SLC4A10: variants seen among roughly 807,000 people sequenced by gnomAD.
SLC4A10 encodes the protein solute carrier family 4 member 10.
In SLC4A10, 42 loss-of-function variants were observed where a neutral mutation model predicts 137.7. The ratio of observed to expected loss-of-function variants is 0.30; its 90% confidence interval spans 0.24 to 0.39. SLC4A10 has a LOEUF of 0.39. Ranked by LOEUF, SLC4A10 falls within the 10% of genes least tolerant of loss-of-function variation. The pLI is 1.00. For missense variants in SLC4A10, 925 were observed against 1,355.0 expected (o/e 0.68, Z 4.98); for synonymous variants, 474 against 464.1 (o/e 1.02, Z -0.27).
chr2:161,830,868 C>A (rs1286892188), intron 3 of SLC4A10, among the ~76,000 whole-genome samples: 2 of 151,982 alleles, frequency 1.3e-5, no homozygotes, highest in African/African-American at 4.8e-5. Flanking sequence ...ATAAGTAGAT[C>A]AAGAGATGTA....
chr2:161,923,037 C>G (rs1688423901), intron 15 of SLC4A10, among the ~76,000 whole-genome samples: 1 of 152,188 alleles, frequency 6.6e-6, no homozygotes, highest in Non-Finnish European at 1.5e-5. Flanking sequence ...GAAGGGAGTT[C>G]TACCAAATTA....
At chr2:161,956,420 G>T (rs905194820) in intron 19 of SLC4A10, among the ~76,000 whole-genome samples, 1 of 152,002 alleles carries the variant, frequency 6.6e-6, no homozygotes, top group Admixed American at 6.6e-5. Context: ...CATAAAATAG[G>T]CCATCCCTTT....
chr2:161,948,194 A>G (rs1694165996), intron 17 of SLC4A10, among the ~76,000 whole-genome samples: 1 of 152,132 alleles, frequency 6.6e-6, no homozygotes, highest in African/African-American at 2.4e-5. Context: ...AAAGGAAAGT[A>G]AACAGAGAAA....
At chr2:161,874,803 T>G (rs1438721579) in intron 8 of SLC4A10, among the ~76,000 whole-genome samples, 1 of 152,246 alleles carries the variant, frequency 6.6e-6, no homozygotes, top group Non-Finnish European at 1.5e-5. Context: ...GGAGAAGTTC[T>G]CTAAAGTTCA....
At chr2:161,863,145 T>TTTA in intron 6 of SLC4A10, 83 bp downstream of exon 6, 1 of 1,259,388 alleles carries the variant, frequency 7.9e-7, no homozygotes, top group Non-Finnish European at 1.1e-6. Context: ...TAAAACTTGT[T>TTTA]TTATTTGAAA....
chr2:161,816,814 A>AT (rs1225073787), intron 3 of SLC4A10, among the ~76,000 whole-genome samples: 2 of 151,842 alleles, frequency 1.3e-5, no homozygotes, highest in Admixed American at 6.6e-5. Context: ...TGAACTCATC[A>AT]TTTTTTATGG....
chr2:161,822,324 T>C (rs1446711994), intron 3 of SLC4A10, among the ~76,000 whole-genome samples: 1 of 152,194 alleles, frequency 6.6e-6, no homozygotes, highest in Admixed American at 6.5e-5. Context: ...GGGACCCTAA[T>C]ACCAATGTGG....
At chr2:161,915,061 C>T (rs1288795260) in intron 15 of SLC4A10, among the ~76,000 whole-genome samples, 1 of 151,966 alleles carries the variant, frequency 6.6e-6, no homozygotes, top group Admixed American at 6.6e-5. Flanking sequence ...TACCTAAGGC[C>T]CACCCAACAC....
At chr2:161,696,088 G>A (rs923311967) in intron 1 of SLC4A10, among the ~76,000 whole-genome samples, 69 of 133,922 alleles carry the variant, frequency 5.2e-4, no homozygotes, top group African/African-American at 1.7e-3. Context: ...GACAGGCCCC[G>A]TGTGTGATGT....
chr2:161,842,525 CTTTA>C (rs1019869294), intron 4 of SLC4A10, among the ~76,000 whole-genome samples: 3 of 151,482 alleles, frequency 2.0e-5, no homozygotes, highest in African/African-American at 7.3e-5. Context: ...TCATTATTTT[CTTTA>C]TTTGCCTTTT....
chr2:161,796,141 C>A (rs1298831804), intron 2 of SLC4A10, among the ~76,000 whole-genome samples: 1 of 152,094 alleles, frequency 6.6e-6, no homozygotes, highest in Non-Finnish European at 1.5e-5. Flanking sequence ...ATTTTATATC[C>A]TGTCCATCTG....
At chr2:161,778,456 G>T (rs1461526893) in intron 2 of SLC4A10, among the ~76,000 whole-genome samples, 1 of 151,846 alleles carries the variant, frequency 6.6e-6, no homozygotes, top group East Asian at 1.9e-4. Context: ...TTCTCCCTGG[G>T]ATCCAGCACT....
At chr2:161,857,440 T>C (rs971202187) in intron 5 of SLC4A10, among the ~76,000 whole-genome samples, 2 of 152,330 alleles carry the variant, frequency 1.3e-5, no homozygotes, top group South Asian at 4.1e-4. Context: ...AGTGGTTTAA[T>C]GCTAACATCA....
intron 16 of SLC4A10, among the ~76,000 whole-genome samples, chr2:161,943,354 T>C (rs1693102805): frequency 6.6e-6 from 1 of 152,062 alleles, no homozygotes. Context: ...ATCACTTTTC[T>C]TCACAAAATT....
chr2:161,879,254 C>A lies in SLC4A10; in HGVS notation c.1072C>A (p.Leu358Ile), dbSNP rs2061609849. The change falls in exon 9 of 27, where the codon CTT becomes ATT. Residue 358 changes from leucine to isoleucine, a missense_variant. Around this residue, in one of 11 missense-constraint regions of SLC4A10, gnomAD observed 277 missense variants for 306.1 expected, o/e 0.90. Transcript: ENST00000446997. ...AFVRLSPAVL[L>I]QGLAEVPIPT... ...TGTCAGGTTGTCTCCAGCTGTATTG[C>A]TTCAAGGACTGGCTGAAGTCCCAAT... 6.2e-7 allele frequency: 1 copy of A among 1,612,356 alleles called. No homozygotes were observed. Among genetic ancestry groups the A allele is most frequent in the African/African-American group, 1.3e-5 (1 of 74,856 alleles).
At chr2:161,719,417 A>T (rs1371211250) in intron 1 of SLC4A10, among the ~76,000 whole-genome samples, 1 of 152,076 alleles carries the variant, frequency 6.6e-6, no homozygotes, top group Non-Finnish European at 1.5e-5. Flanking sequence ...GGGTATACTC[A>T]GTAATGGGAT....
At chr2:161,664,551 A>G (rs1344303915) in intron 1 of SLC4A10, among the ~76,000 whole-genome samples, 4 of 151,918 alleles carry the variant, frequency 2.6e-5, no homozygotes, top group Non-Finnish European at 5.9e-5. Context: ...TTGCTAGACT[A>G]TATTAGATCA....
rs1193415046 is a variant in SLC4A10, at chr2:161,756,871, T to C, written c.49-14102T>C. ...CTTATAGACATCAATTAGGGAAAGA[T>C]ATGAAAGATTATAAGATTTCAGAAA... On this transcript the variant is annotated intron_variant, in intron 1 of 26. Transcript: ENST00000446997. Among the ~76,000 whole-genome samples the C allele has an allele frequency of 2.0e-5, 3 of 152,280 alleles. No individual in the cohort carries two copies. In the East Asian group the frequency reaches 5.8e-4, roughly 29 times the overall value.
chr2:161,743,560 C>T lies in SLC4A10; in HGVS notation c.49-27413C>T, dbSNP rs145125493. ...TTTGAAGTCAGGTAATGTGATTCCT[C>T]CAGTTTTTTTTGTTTGTTTGTTTGT... On this transcript the variant is annotated intron_variant, in intron 1 of 26. Transcript: ENST00000446997. Among the ~76,000 whole-genome samples, 107 of 152,122 alleles carry T rather than the reference C, an allele frequency of 7.0e-4. 1 individual carries two copies. The highest frequency in any genetic ancestry group is 2.5e-3 in the African/African-American group (103 of 41,536).
Sources: gnomAD v4.1 joint callset for allele counts (sites outside exome capture counted in the v4.1 genomes callset) on GRCh38, gnomAD v4.1.1 for gene constraint, gnomAD v4.1.1 regional missense constraint, MANE v1.5 for transcripts, NCBI Gene and HGNC (gene_info 2026-07-23, HGNC 2026-07-21) for gene names.